ABCC6: variants seen among roughly 807,000 people sequenced by gnomAD.
The protein encoded by ABCC6 is ATP binding cassette subfamily C member 6.
ABCC6 carries 126 observed loss-of-function variants against 169.5 expected under a neutral mutation model. The ratio of observed to expected loss-of-function variants is 0.74; its 90% CI spans 0.64 to 0.86. ABCC6 has a LOEUF of 0.86. Among genes scored for constraint, ABCC6 ranks in the 40% least tolerant of loss-of-function variants. ABCC6 has a pLI of 0.00. For synonymous variants in ABCC6, 752 were observed against 814.7 expected, an observed-to-expected ratio of 0.92 and a Z score of 1.31; for missense variants, 1,733 against 1,927.2, an observed-to-expected ratio of 0.90 and a Z score of 1.89.
At chr16:16,157,512 G>A (rs2046587904) in intron 27 of ABCC6, 151 bp downstream of exon 27, 2 of 998,228 alleles carry the variant, frequency 2.0e-6, no homozygotes, top group Non-Finnish European at 3.0e-6. Context: ...GGGAAGGTGA[G>A]GAGTTCATTT....
chr16:16,195,153 G>A (rs778724442), intron 10 of ABCC6, among the ~76,000 whole-genome samples: 6 of 151,992 alleles, frequency 3.9e-5, no homozygotes, highest in Non-Finnish European at 7.4e-5. Flanking sequence ...GGGGAAAAAT[G>A]GTATCATTAA....
chr16:16,161,167 A>G (rs1312573233), intron 25 of ABCC6, among the ~76,000 whole-genome samples: 7 of 152,224 alleles, frequency 4.6e-5, no homozygotes, highest in South Asian at 2.1e-4. Flanking sequence ...CTTTGTCTCA[A>G]CTAGTCTTTA....
chr16:16,179,187 T>G (rs1012586783), intron 17 of ABCC6, among the ~76,000 whole-genome samples: 5 of 152,162 alleles, frequency 3.3e-5, no homozygotes, highest in African/African-American at 9.7e-5. Context: ...GCACGCTTCC[T>G]GGAGGAGTTA....
In ABCC6 at chr16:16,190,150, T is replaced by C. The variant is rs377066754; in HGVS notation, c.1635+14A>G. ...CCCCAGTGCTGCTCAGCATAGAGAC[T>C]AGAGTGACGTCACCAGAAATGTAGA... On this transcript the variant is annotated intron_variant, in intron 12 of 30. Coordinates refer to ENST00000205557, the MANE Select transcript of ABCC6 (RefSeq NM_001171.6). 3 of 1,612,438 alleles carry C rather than the reference T, an allele frequency of 1.9e-6. No individual in the cohort carries two copies. The highest frequency in any genetic ancestry group is 2.5e-6 in the Non-Finnish European group (3 of 1,179,478).
At chr16:16,156,667 G>T (rs1320752208) in intron 27 of ABCC6, among the ~76,000 whole-genome samples, 1 of 152,150 alleles carries the variant, frequency 6.6e-6, no homozygotes, top group Non-Finnish European at 1.5e-5. Context: ...TCACAGGATG[G>T]CTGGGCATGG....
At chr16:16,177,657 A>G (rs763810158) in intron 18 of ABCC6, 31 bp from the exon 19 acceptor site, 1 of 1,612,858 alleles carries the variant, frequency 6.2e-7, no homozygotes, top group South Asian at 1.1e-5. Context: ...AGTTACACAC[A>G]TGTGGCCGGG....
intron 27 of ABCC6, chr16:16,155,687 C>T (rs538321454): frequency 6.5e-6 from 1 of 153,958 alleles, no homozygotes; most frequent in South Asian, 2.0e-4. Context: ...CCTTATCTCT[C>T]TTGCTACTAT....
At chr16:16,156,048 TG>T (rs757539485) in intron 27 of ABCC6, among the ~76,000 whole-genome samples, 84 of 152,186 alleles carry the variant, frequency 5.5e-4, no homozygotes, top group Non-Finnish European at 2.1e-4. Context: ...CCCTAGTAGC[TG>T]GGACTGCAGG....
chr16:16,165,591 C>A (rs755246492), intron 23 of ABCC6, 32 bp downstream of exon 23: 1 of 1,611,784 alleles, frequency 6.2e-7, no homozygotes, highest in Non-Finnish European at 8.5e-7. Flanking sequence ...TGACCTCAGC[C>A]GGTCCCGGAA....
chr16:16,171,959 G>T (rs2047096459), intron 21 of ABCC6, among the ~76,000 whole-genome samples: 1 of 98,880 alleles, frequency 1.0e-5, no homozygotes, highest in South Asian at 3.4e-4. Context: ...TAAATGAGTG[G>T]TTGGGTGGGT....
At chr16:16,168,317 C>T (rs11864636) in intron 22 of ABCC6, among the ~76,000 whole-genome samples, 60,762 of 122,218 alleles carry the variant, frequency 0.5, 15,307 homozygotes, top group South Asian at 0.68. Flanking sequence ...ACGGCGAAAC[C>T]GTCTCTATCA....
rs970223837 is a variant in ABCC6, at chr16:16,206,821, C to T, written c.794+1907G>A. 4.1e-4 allele frequency among the ~76,000 whole-genome samples: 63 copies of T among 152,122 alleles called. 1 individual carries two copies. Among genetic ancestry groups the T allele is most frequent in the Admixed American group, 4.1e-3 (62 of 15,264 alleles). ...CAGAGCCCCTGTGGACTGGATTCTGCCACTTCCGTAAAATCATTCAAAAGT... is the reference window on the plus strand; with the variant it reads ...CAGAGCCCCTGTGGACTGGATTCTGTCACTTCCGTAAAATCATTCAAAAGT... On this transcript the variant is annotated intron_variant, in intron 7 of 30. Transcript: ENST00000205557.
rs751144791 is a variant in ABCC6 at position 16,154,581 on chromosome 16, C to T, written c.4208+47G>A. On this transcript the variant is annotated intron_variant, in intron 29 of 30. Coordinates refer to ENST00000205557, the MANE Select transcript of ABCC6 (RefSeq NM_001171.6). ...GGCCCTTGGGGAGGGCATGGCCATC[C>T]CCTCCTCTCCCACCTGCAGGTCCCA... The T allele has an allele frequency of 1.2e-5, 19 of 1,609,900 alleles. No homozygotes were observed. The Admixed American group carries it at 1.8e-4, about 16-fold the overall frequency.
rs2047000746 is a variant in ABCC6 at position 16,169,809 on chromosome 16, G to C, written c.2832C>G (p.Thr944=). 1.3e-6 allele frequency: 2 copies of C among 1,568,366 alleles called. No individual in the cohort carries two copies. Among genetic ancestry groups the C allele is most frequent in the Admixed American group, 3.8e-5 (2 of 52,696 alleles). Reference sequence around the variant, plus strand: ...GGAAGAGTGCGTAGAGGCAGAGGGGGGTGCCCACGGCACGCAGGTAGGCCA... The same window carrying C: ...GGAAGAGTGCGTAGAGGCAGAGGGGCGTGCCCACGGCACGCAGGTAGGCCA... ...VHLAYLRAVG[T]PLCLYALFLF... Residue 944 remains threonine, a synonymous_variant, in exon 22 of 31, where the codon ACC becomes ACG. Transcript: ENST00000205557.
intron 29 of ABCC6, among the ~76,000 whole-genome samples, chr16:16,153,862 C>T (rs1247229499): frequency 6.6e-6 from 1 of 150,558 alleles, no homozygotes; most frequent in Non-Finnish European, 1.5e-5. Context: ...CTTGACCTCA[C>T]CACTGCACTC....
In ABCC6 at chr16:16,198,759, C is replaced by T. The variant is rs530775052; in HGVS notation, c.1177-577G>A. 2.7e-4 allele frequency among the ~76,000 whole-genome samples: 40 copies of T among 150,882 alleles called. 1 individual carries two copies. Among genetic ancestry groups the T allele is most frequent in the Admixed American group, 1.7e-3 (26 of 14,956 alleles). On this transcript the variant is annotated intron_variant, in intron 9 of 30. Transcript: ENST00000205557. ...CTATAATCCCAGCACTTTGGGAGGC[C>T]GAGGTGGACAGATCACCTGAGGTCA...
chr16:16,196,733 A>C (rs2048050634), intron 10 of ABCC6, among the ~76,000 whole-genome samples: 1 of 152,026 alleles, frequency 6.6e-6, no homozygotes, highest in Admixed American at 6.6e-5. Context: ...ACAGAGTCTC[A>C]CTCTGTCACC....
intron 6 of ABCC6, among the ~76,000 whole-genome samples, chr16:16,209,187 G>A (rs940416390): frequency 9.9e-5 from 15 of 152,084 alleles, no homozygotes; most frequent in Admixed American, 2.0e-4. Flanking sequence ...AGGTTCAAGC[G>A]ATTCTCCCAC....
intron 21 of ABCC6, among the ~76,000 whole-genome samples, chr16:16,170,919 CAAAAA>C (rs1220574453): frequency 1.3e-4 from 3 of 22,318 alleles, no homozygotes; most frequent in African/African-American, 4.7e-4. Context: ...AACTCTGTCT[CAAAAA>C]AAAAAAAAAA....
Sources: allele counts gnomAD v4.1 joint callset (sites outside exome capture counted in the v4.1 genomes callset), GRCh38; gene constraint gnomAD v4.1.1; transcripts MANE v1.5; gene names NCBI Gene and HGNC (gene_info 2026-07-23, HGNC 2026-07-21).